Variants in NIPSNAP3A observed in about 807,000 individuals in gnomAD.
The protein encoded by NIPSNAP3A is nipsnap homolog 3A, also known as protein NipSnap homolog 3A.
Under a neutral mutation model 32.3 loss-of-function variants are expected in NIPSNAP3A, and 27 were observed. The observed-to-expected ratio is 0.84, with a 90% CI of 0.62 to 1.15. NIPSNAP3A has a LOEUF of 1.15. NIPSNAP3A is among the 50% of genes most tolerant of loss of function. The pLI is 0.00. For synonymous variants in NIPSNAP3A, 108 were observed against 107.3 expected, an observed-to-expected ratio of 1.01 and a Z score of -0.04; for missense variants, 278 against 297.2, an observed-to-expected ratio of 0.94 and a Z score of 0.48.
At chr9:104,757,678 C>A (rs1827921738) in intron 4 of NIPSNAP3A, among the ~76,000 whole-genome samples, 2 of 152,114 alleles carry the variant, frequency 1.3e-5, no homozygotes, top group African/African-American at 4.8e-5. Flanking sequence ...AATCGATATA[C>A]ATGTACGTCA....
chr9:104,755,005 C>T (rs557306217), intron 4 of NIPSNAP3A, among the ~76,000 whole-genome samples: 3 of 152,038 alleles, frequency 2.0e-5, no homozygotes, highest in Non-Finnish European at 2.9e-5. Context: ...CTTTTGGAGG[C>T]TGAGGGGGTG....
intron 1 of NIPSNAP3A, among the ~76,000 whole-genome samples, chr9:104,750,127 T>C (rs576552989): frequency 2.6e-5 from 4 of 152,358 alleles, no homozygotes; most frequent in Non-Finnish European, 4.4e-5. Context: ...TTTTTTTCAT[T>C]ATGCCTGCCA....
At chr9:104,748,113 GC>G (rs3833991) in intron 1 of NIPSNAP3A, among the ~76,000 whole-genome samples, 3,563 of 152,230 alleles carry the variant, frequency 0.023, 174 homozygotes, top group East Asian at 0.23. Flanking sequence ...GGCTTTTCTA[GC>G]CTGGATGCCA....
At chr9:104,747,928 G>C (rs1345963644) in intron 1 of NIPSNAP3A, 76 bp downstream of exon 1, 1 of 1,386,338 alleles carries the variant, frequency 7.2e-7, no homozygotes, top group Non-Finnish European at 9.9e-7. Context: ...CCGGGTACGT[G>C]CGAGCAATGC....
chr9:104,754,358 C>T (rs371838599), intron 3 of NIPSNAP3A, 193 bp from the exon 4 acceptor site: 1 of 547,240 alleles, frequency 1.8e-6, no homozygotes, highest in African/African-American at 1.9e-5. Flanking sequence ...TAACAACTCA[C>T]TCTTAAACAT....
chr9:104,747,713 C>T lies in NIPSNAP3A; in HGVS notation c.-80C>T, dbSNP rs1398700901. On this transcript the variant is annotated 5_prime_UTR_variant, in exon 1 of 6. Coordinates refer to ENST00000374767, the MANE Select transcript of NIPSNAP3A (RefSeq NM_015469.3). ...GCGTCTGCCAATGATCCAGGAGCCG[C>T]TCCTTTCCACTCGGGAAACCTTCAG... 7.0e-7 allele frequency: 1 copy of T among 1,423,578 alleles called. No homozygotes were observed. Among genetic ancestry groups the T allele is most frequent in the Non-Finnish European group, 9.7e-7 (1 of 1,031,166 alleles). 88.2% of individuals were successfully genotyped at this position (1,423,578 alleles called of 1,614,324 possible).
rs747493474 is a variant in NIPSNAP3A, at chr9:104,747,818, C to T, written c.26C>T (p.Thr9Ile). The T allele has an allele frequency of 9.1e-5, 147 of 1,608,966 alleles. No individual in the cohort carries two copies. The highest frequency in any genetic ancestry group is 2.2e-4 in the Middle Eastern group (1 of 4,606). MLVLRSALTRALASRTLAP... is the reference protein window; with the variant it reads MLVLRSALIRALASRTLAP... ...ATGCTCGTCCTCAGAAGCGCCCTGA[C>T]TCGGGCGCTGGCCTCACGGACGCTG... The change falls in exon 1 of 6, where the codon ACT becomes ATT. Residue 9 changes from threonine (T) to isoleucine (I), a missense_variant. Transcript: ENST00000374767.
Position 104,747,780 on chromosome 9 carries a change from CCGAAGCCGCGCCATGCT to C in NIPSNAP3A, c.-10_7del. The stretch of plus-strand genomic sequence containing the variant: ...ACACGGCTGGCTGCTTTTCTCAGCG[CCGAAGCCGCGCCATGCT>C]CGTCCTCAGAAGCGCCCTGACTCGG... On this transcript the variant is annotated start_lost and 5_prime_UTR_variant, in exon 1 of 6. Coordinates refer to ENST00000374767, the MANE Select transcript of NIPSNAP3A (RefSeq NM_015469.3). 1.2e-6 allele frequency: 2 copies of C among 1,606,502 alleles called. No homozygotes were observed. The highest frequency in any genetic ancestry group is 4.5e-5 in the East Asian group (2 of 44,686).
intron 1 of NIPSNAP3A, among the ~76,000 whole-genome samples, chr9:104,748,291 A>G (rs1281497560): frequency 6.6e-6 from 1 of 152,186 alleles, no homozygotes; most frequent in East Asian, 1.9e-4. Context: ...AGGTTGAAGG[A>G]GGGAATTGTC....
At chr9:104,758,971 CAAAAAAAAAAAAA>C (rs34457398) in intron 4 of NIPSNAP3A, 101 bp from the exon 5 acceptor site, 26 of 402,570 alleles carry the variant, frequency 6.5e-5, no homozygotes, top group African/African-American at 8.6e-5. Context: ...ACTCTTGTTT[CAAAAAAAAAAAAA>C]AAAAAAAAAA....
In NIPSNAP3A at chr9:104,753,007, G is replaced by A. The variant is rs1450209133; in HGVS notation, c.373G>A (p.Glu125Lys). 4 of 1,613,198 alleles carry A rather than the reference G, an allele frequency of 2.5e-6. No homozygotes were observed. The highest frequency in any genetic ancestry group is 3.4e-6 in the Non-Finnish European group (4 of 1,179,264). The change falls in exon 3 of 6, where the codon GAG becomes AAG. Residue 125 changes from glutamate to lysine, a missense_variant. Coordinates refer to ENST00000374767, the MANE Select transcript of NIPSNAP3A (RefSeq NM_015469.3). Reference sequence around the variant, plus strand: ...AAATTTGGCTCTCATTGATAAACAAGAGAGTGAGATTACTTATCTGGTACC... The same window carrying A: ...AAATTTGGCTCTCATTGATAAACAAAAGAGTGAGATTACTTATCTGGTACC... Reference protein sequence around the residue: ...IPNLALIDKQESEITYLVPWC... With the variant: ...IPNLALIDKQKSEITYLVPWC...
chr9:104,750,475 C>T (rs1401427089), intron 1 of NIPSNAP3A, among the ~76,000 whole-genome samples: 1 of 152,114 alleles, frequency 6.6e-6, no homozygotes, highest in African/African-American at 2.4e-5. Context: ...CTAAGGACTT[C>T]CTAGAACTAA....
chr9:104,747,699 T>A lies in NIPSNAP3A; in HGVS notation c.-94T>A, dbSNP rs1404782420. ...CCCCGCCCCAGCCTGCGTCTGCCAA[T>A]GATCCAGGAGCCGCTCCTTTCCACT... On this transcript the variant is annotated 5_prime_UTR_variant, in exon 1 of 6. The change abolishes an upstream ATG in the 5' untranslated region. Transcript: ENST00000374767. The A allele has an allele frequency of 7.5e-7, 1 of 1,325,052 alleles. No individual in the cohort carries two copies. The highest frequency in any genetic ancestry group is 1.1e-6 in the Non-Finnish European group (1 of 944,572). The allele number at this position is 1,325,052 out of a possible 1,614,324, so 82.1% of individuals were successfully genotyped here.
rs878962022 is a variant in NIPSNAP3A at position 104,753,137 on chromosome 9, G to A, written c.430+73G>A. The A allele has an allele frequency of 5.7e-6, 7 of 1,221,772 alleles. No homozygotes were observed. In the South Asian group the frequency reaches 7.6e-5, roughly 13 times the overall value. The allele number at this position is 1,221,772 out of a possible 1,614,324, so 75.7% of individuals were successfully genotyped here. ...AAGAACTTAAGTGATCAAAACTGAA[G>A]TTCCTTTGGAAAAAAATAAAATTAA... is the stretch of plus-strand genomic sequence containing the variant. On this transcript the variant is annotated intron_variant, in intron 3 of 5. Transcript: ENST00000374767.
At chr9:104,756,819 T>G (rs1244956121) in intron 4 of NIPSNAP3A, among the ~76,000 whole-genome samples, 1 of 148,772 alleles carries the variant, frequency 6.7e-6, no homozygotes, top group Non-Finnish European at 1.5e-5. Context: ...ATATTCTTTT[T>G]TTTTTTTTTT....
intron 4 of NIPSNAP3A, among the ~76,000 whole-genome samples, chr9:104,755,706 A>G (rs1165032772): frequency 6.6e-6 from 1 of 152,044 alleles, no homozygotes; most frequent in Non-Finnish European, 1.5e-5. Context: ...TGGATTGCTT[A>G]AGCCCAGGAG....
chr9:104,754,141 G>A (rs1227528308), intron 3 of NIPSNAP3A: 1 of 156,762 alleles, frequency 6.4e-6, no homozygotes, highest in Non-Finnish European at 1.4e-5. Flanking sequence ...GAAAAACATA[G>A]TGGAAATTGG....
rs556610922 is a variant in NIPSNAP3A at position 104,757,083 on chromosome 9, C to T, written c.581-2002C>T. On this transcript the variant is annotated intron_variant, in intron 4 of 5. Transcript: ENST00000374767. The stretch of plus-strand genomic sequence containing the variant: ...GTGGTGGGATAAGAGGCCTGAGCCA[C>T]TACACCTAGCCTCTACCTTAATTTT... Among the ~76,000 whole-genome samples, 26 of 152,320 alleles carry T rather than the reference C, an allele frequency of 1.7e-4. 1 individual carries two copies. The highest frequency in any genetic ancestry group is 1.7e-3 in the South Asian group (8 of 4,830).
chr9:104,756,919 T>C (rs1219622534), intron 4 of NIPSNAP3A, among the ~76,000 whole-genome samples: 7 of 150,302 alleles, frequency 4.7e-5, no homozygotes, highest in African/African-American at 1.7e-4. Flanking sequence ...TTCTCCTGCC[T>C]CAGCCTCCCA....
Sources: gnomAD v4.1 joint callset for allele counts (sites outside exome capture counted in the v4.1 genomes callset) on GRCh38, gnomAD v4.1.1 for gene constraint, MANE v1.5 for transcripts, NCBI Gene and HGNC (gene_info 2026-07-23, HGNC 2026-07-21) for gene names.